The following NAV2 variants were observed in gnomAD, a reference collection of about 807,000 sequenced individuals.
NAV2 encodes the protein neuron navigator 2.
NAV2 carries 54 observed loss-of-function variants against 223.2 expected under a neutral mutation model. That is an observed-to-expected ratio of 0.24 (90% CI 0.19 to 0.30). The LOEUF is 0.30. Among genes scored for constraint, NAV2 ranks in the 10% least tolerant of loss-of-function variants. NAV2 has a pLI of 1.00. For missense variants in NAV2, 2,806 were observed against 3,147.5 expected (o/e 0.89, Z 2.60); for synonymous variants, 1,279 against 1,239.3 (o/e 1.03, Z -0.67).
intron 10 of NAV2, 54 bp from the exon 11 acceptor site, chr11:19,984,071 T>C: frequency 5.6e-6 from 9 of 1,611,944 alleles, no homozygotes; most frequent in Non-Finnish European, 7.6e-6. Context: ...AATGCAAGCC[T>C]GGAAGCCACT....
At chr11:20,050,538 G>C (rs2057887850) in intron 16 of NAV2, among the ~76,000 whole-genome samples, 1 of 146,012 alleles carries the variant, frequency 6.8e-6, no homozygotes, top group South Asian at 2.2e-4. Context: ...TGATGACCTG[G>C]CCAAACATAA....
intron 11 of NAV2, among the ~76,000 whole-genome samples, chr11:20,029,096 C>T (rs546625115): frequency 1.3e-5 from 2 of 152,288 alleles, no homozygotes; most frequent in Admixed American, 6.5e-5. Context: ...TTTTACTGAA[C>T]GAGGGGAGAC....
intron 1 of NAV2, among the ~76,000 whole-genome samples, chr11:19,617,624 T>C (rs1249453328): frequency 1.3e-5 from 2 of 152,138 alleles, no homozygotes; most frequent in African/African-American, 2.4e-5. Flanking sequence ...TGATAAGAAG[T>C]GCATGGTAAA....
At chr11:19,733,308 A>G (rs894376438) in intron 1 of NAV2, among the ~76,000 whole-genome samples, 2 of 152,198 alleles carry the variant, frequency 1.3e-5, no homozygotes, top group African/African-American at 4.8e-5. Flanking sequence ...CCCATTTTTC[A>G]AATGAGTAAG....
At chr11:19,403,858 C>G (rs949308303) in intron 1 of NAV2, among the ~76,000 whole-genome samples, 1 of 147,402 alleles carries the variant, frequency 6.8e-6, no homozygotes, top group African/African-American at 2.5e-5. Context: ...ATGGGGTGGC[C>G]ATCTAAAATC....
chr11:19,584,977 G>T (rs925828760), intron 1 of NAV2, among the ~76,000 whole-genome samples: 1 of 32,422 alleles, frequency 3.1e-5, no homozygotes, highest in Non-Finnish European at 9.0e-5. Flanking sequence ...TTGACAGTGG[G>T]GTGTTAAAGT....
chr11:19,473,525 C>T (rs189845721), intron 1 of NAV2, among the ~76,000 whole-genome samples: 2 of 152,258 alleles, frequency 1.3e-5, no homozygotes, highest in Non-Finnish European at 2.9e-5. Flanking sequence ...CCTGCAAAAG[C>T]GAAATGATTT....
In NAV2 at chr11:19,832,537, C is replaced by T. The variant is rs1418944307; in HGVS notation, c.321C>T (p.Leu107=). 6.2e-7 allele frequency: 1 copy of T among 1,614,194 alleles called. No individual in the cohort carries two copies. The highest frequency in any genetic ancestry group is 1.1e-5 in the South Asian group (1 of 91,082). The change falls in exon 2 of 38, where the codon CTC becomes CTT. Residue 107 remains leucine (L), a synonymous_variant. Coordinates refer to ENST00000349880, the MANE Select transcript of NAV2 (RefSeq NM_145117.5). ...HYLAKSGHKR[L]IRDLQQDVTD... ...TAGCCAAATCCGGCCACAAGCGTCT[C>T]ATCAGGGATCTCCAGCAAGATGTGA...
chr11:19,585,901 T>C (rs1590611415), intron 1 of NAV2, among the ~76,000 whole-genome samples: 1 of 152,214 alleles, frequency 6.6e-6, no homozygotes, highest in East Asian at 1.9e-4. Flanking sequence ...GCATTCTCTG[T>C]ATTTCCTGAA....
At position 19,467,024 on chromosome 11, in the gene NAV2, G is replaced by C. The variant is rs921226416; in HGVS notation, c.75+115997G>C. Among the ~76,000 whole-genome samples, 455 of 101,872 alleles carry C rather than the reference G, an allele frequency of 4.5e-3. 4 individuals are homozygous for C. The highest frequency in any genetic ancestry group is 0.014 in the African/African-American group (376 of 27,436). The allele number at this position is 101,872 out of a possible 152,430, so 66.8% of individuals were successfully genotyped here. A position where few individuals can be genotyped will look rare whatever the true frequency, so the allele number is the denominator to read the frequency against. ...ACACACACACACACACACACAGAGA[G>C]AGAGAGAGAGAGAGAGAGAGATAGA... On this transcript the variant is annotated intron_variant, in intron 1 of 37. Coordinates refer to the NAV2 transcript ENST00000360655.
chr11:20,112,693 G>A (rs905389552), intron 36 of NAV2, among the ~76,000 whole-genome samples: 4 of 152,182 alleles, frequency 2.6e-5, no homozygotes, highest in Non-Finnish European at 4.4e-5. Context: ...GTCAGGAGGG[G>A]TGGAGAGGAA....
At chr11:19,755,486 T>C (rs79722352) in intron 1 of NAV2, among the ~76,000 whole-genome samples, 5,266 of 135,392 alleles carry the variant, frequency 0.039, 282 homozygotes, top group African/African-American at 0.13. Context: ...CAACAGAAAT[T>C]TATTATCTCA....
intron 1 of NAV2, among the ~76,000 whole-genome samples, chr11:19,460,736 A>G (rs1852128059): frequency 6.6e-6 from 1 of 152,080 alleles, no homozygotes; most frequent in Non-Finnish European, 1.5e-5. Flanking sequence ...ATGTATACAT[A>G]TGTAACAAAC....
At chr11:19,682,588 C>G (rs2048909806) in intron 1 of NAV2, among the ~76,000 whole-genome samples, 1 of 152,176 alleles carries the variant, frequency 6.6e-6, no homozygotes, top group Non-Finnish European at 1.5e-5. Flanking sequence ...GCTCATGATT[C>G]TGAAGGCTAT....
chr11:19,519,336 A>G (rs2043568587), intron 1 of NAV2, among the ~76,000 whole-genome samples: 1 of 152,106 alleles, frequency 6.6e-6, no homozygotes, highest in Admixed American at 6.5e-5. Context: ...GGCTCTCGTA[A>G]GGTGCTTATT....
intron 1 of NAV2, among the ~76,000 whole-genome samples, chr11:19,481,291 C>T (rs2042272232): frequency 6.6e-6 from 1 of 152,112 alleles, no homozygotes; most frequent in Admixed American, 6.5e-5. Flanking sequence ...GGCTTATGAA[C>T]TGTGGCCTGG....
intron 1 of NAV2, among the ~76,000 whole-genome samples, chr11:19,614,289 G>T (rs1028954641): frequency 6.6e-6 from 1 of 152,144 alleles, no homozygotes; most frequent in Non-Finnish European, 1.5e-5. Context: ...GCCTAGTTCC[G>T]CGAGACACCT....
chr11:19,781,063 A>G (rs184483691), intron 1 of NAV2, among the ~76,000 whole-genome samples: 2 of 152,318 alleles, frequency 1.3e-5, no homozygotes, highest in Admixed American at 1.3e-4. Context: ...ATTCTATTTC[A>G]TCTTCTCTAC....
intron 31 of NAV2, among the ~76,000 whole-genome samples, chr11:20,100,028 G>A (rs2061521373): frequency 6.6e-6 from 1 of 152,102 alleles, no homozygotes; most frequent in Admixed American, 6.5e-5. Context: ...TGCATTGGGG[G>A]GATCTGCTAG....
Sources: allele counts gnomAD v4.1 joint callset (sites outside exome capture counted in the v4.1 genomes callset), GRCh38; gene constraint gnomAD v4.1.1; transcripts MANE v1.5; gene names NCBI Gene and HGNC (gene_info 2026-07-23, HGNC 2026-07-21).